SHPRH: variants seen among roughly 807,000 people sequenced by gnomAD.
The protein encoded by SHPRH is E3 ubiquitin-protein ligase SHPRH.
In SHPRH, 106 loss-of-function variants were observed where a neutral mutation model predicts 202.5. That is an observed-to-expected ratio of 0.52 (90% CI 0.45 to 0.62). The LOEUF (loss-of-function observed/expected upper bound fraction) is 0.62, where lower values mean the gene tolerates loss of function less well. SHPRH is among the 20% of genes least tolerant of loss of function. The pLI, the probability that SHPRH is intolerant of heterozygous loss-of-function variation, is 0.00. For missense variants in SHPRH, 1,710 were observed against 2,020.0 expected (o/e 0.85, Z 2.94); for synonymous variants, 729 against 686.0 (o/e 1.06, Z -0.98).
intron 11 of SHPRH, among the ~76,000 whole-genome samples, chr6:145,939,082 C>A (rs930904847): frequency 6.6e-6 from 1 of 151,764 alleles, no homozygotes; most frequent in Admixed American, 6.6e-5. Context: ...TAGTTTAGCA[C>A]AAAAAGAAAA....
rs1362125546 is a variant in SHPRH, at chr6:145,864,869, A to AT, written c.222-379dup. Among the ~76,000 whole-genome samples the AT allele has an allele frequency of 4.0e-5, 6 of 151,546 alleles. No individual in the cohort carries two copies. In the East Asian group the frequency reaches 1.2e-3, roughly 29 times the overall value. Reference sequence around the variant, plus strand: ...GAGCAAATGTATTAATGCCACTATCATTTTTTGCTAATGTTCTTCTTTCTT... The same window carrying AT: ...GAGCAAATGTATTAATGCCACTATCATTTTTTTGCTAATGTTCTTCTTTCTT... On this transcript the variant is annotated intron_variant, in intron 2 of 2. Coordinates refer to the SHPRH transcript ENST00000417762.
At chr6:145,880,385 T>C (rs1242805427), downstream of SHPRH, among the ~76,000 whole-genome samples, 3 of 152,044 alleles carry the variant, frequency 2.0e-5, no homozygotes, top group Non-Finnish European at 4.4e-5. Context: ...TCTTAGCACT[T>C]TGGGAGGCTG....
chr6:145,957,420 G>A lies in SHPRH; in HGVS notation c.-32-2066C>T, dbSNP rs1788617675. ...AAGATACTGTCATCAAAATATGACA[G>A]CAAGTCACAGATGGGAGAAAATATT... On this transcript the variant is annotated intron_variant, in intron 1 of 29. Transcript: ENST00000275233. Among the ~76,000 whole-genome samples the A allele has an allele frequency of 2.0e-5, 3 of 152,214 alleles. No individual in the cohort carries two copies. The South Asian group carries it at 6.2e-4, about 32-fold the overall frequency.
In SHPRH at chr6:145,921,234, T is replaced by C. The variant is rs1784406273; in HGVS notation, c.3941A>G (p.Asp1314Gly). 2 of 1,612,844 alleles carry C rather than the reference T, an allele frequency of 1.2e-6. No homozygotes were observed. The highest frequency in any genetic ancestry group is 1.3e-5 in the African/African-American group (1 of 74,970). ...ILSFAKSHRF[D>G]VEFVDEGSTS... ...GCTTCCTTCATCAACAAATTCAACA[T>C]CAAACCTATGTGATTTTGCAAATGA... Residue 1314 changes from aspartate to glycine, a missense_variant, in exon 21 of 30, where the codon GAT becomes GGT. Coordinates refer to ENST00000275233, the MANE Select transcript of SHPRH (RefSeq NM_001042683.3).
rs994079440 is a variant in SHPRH, at chr6:145,897,387, C to T, written c.4516-2410G>A. On this transcript the variant is annotated intron_variant, in intron 25 of 29. Transcript: ENST00000275233. The stretch of plus-strand genomic sequence containing the variant: ...CCAGTATGTAGTAACAAGATTGAGT[C>T]AGTAATAAAAAGTCTCCCCTCAAAG... 4.6e-5 allele frequency among the ~76,000 whole-genome samples: 7 copies of T among 152,090 alleles called. No individual in the cohort carries two copies. In the East Asian group the frequency reaches 1.2e-3, roughly 25 times the overall value.
intron 1 of SHPRH, among the ~76,000 whole-genome samples, chr6:145,962,868 G>A (rs996822310): frequency 6.6e-6 from 1 of 152,172 alleles, no homozygotes; most frequent in East Asian, 1.9e-4. Context: ...CAAGGTGAGA[G>A]TATTTTCTTC....
intron 29 of SHPRH, 91 bp from the exon 30 acceptor site, chr6:145,886,878 T>C: frequency 7.4e-7 from 1 of 1,360,466 alleles, no homozygotes; most frequent in South Asian, 1.7e-5. Context: ...CACATATTTT[T>C]TCTTAAGTTT....
At chr6:145,927,156 G>C (rs985710041) in intron 15 of SHPRH, 33 bp downstream of exon 15, 1 of 1,578,516 alleles carries the variant, frequency 6.3e-7, no homozygotes, top group Non-Finnish European at 8.7e-7. Flanking sequence ...AAAACAAACA[G>C]AATACCTATG....
At chr6:145,948,160 C>CTT in intron 5 of SHPRH, 112 bp downstream of exon 5, 1 of 687,008 alleles carries the variant, frequency 1.5e-6, no homozygotes, top group Non-Finnish European at 2.4e-6. Context: ...AAGACTTCAC[C>CTT]TTTGATTCCT....
Position 145,946,597 on chromosome 6 carries a change from G to T in SHPRH, c.1213-256C>A, listed in dbSNP as rs962334324. Among the ~76,000 whole-genome samples the T allele has an allele frequency of 3.3e-5, 5 of 151,608 alleles. 1 individual carries two copies. The highest frequency in any genetic ancestry group is 4.2e-4 in the South Asian group (2 of 4,804). ...GAACCTCTGAAATTAACTTTTAAAGGTATATTTAAATATAAAATTAACCCA... is the reference window on the plus strand; with the variant it reads ...GAACCTCTGAAATTAACTTTTAAAGTTATATTTAAATATAAAATTAACCCA... On this transcript the variant is annotated intron_variant, in intron 6 of 29. Transcript: ENST00000275233.
chr6:145,890,302 A>C (rs1266018691), intron 28 of SHPRH, among the ~76,000 whole-genome samples: 1 of 152,184 alleles, frequency 6.6e-6, no homozygotes, highest in African/African-American at 2.4e-5. Context: ...AATATTTGTT[A>C]AATAAGAAAT....
At chr6:145,884,468 A>G (rs1133832), downstream of SHPRH, 68,554 of 152,034 alleles carry the variant, frequency 0.45, 15,941 homozygotes, top group African/African-American at 0.54. Flanking sequence ...AATGACTGGG[A>G]CTACTCTAAC....
intron 25 of SHPRH, chr6:145,909,084 T>C (rs1381230325): frequency 6.6e-6 from 1 of 152,130 alleles, no homozygotes; most frequent in Non-Finnish European, 1.5e-5. Flanking sequence ...GAGGTCTCTG[T>C]TCTGCTCCAT....
intron 24 of SHPRH, among the ~76,000 whole-genome samples, chr6:145,911,729 C>A (rs978861542): frequency 6.6e-6 from 1 of 152,006 alleles, no homozygotes; most frequent in African/African-American, 2.4e-5. Context: ...ACCTGGCCCA[C>A]TTGAGATTCT....
chr6:145,890,206 G>A (rs188827694), intron 28 of SHPRH, among the ~76,000 whole-genome samples: 8 of 152,288 alleles, frequency 5.3e-5, no homozygotes, highest in Admixed American at 5.2e-4. Flanking sequence ...GTACTGTGAA[G>A]GCAGAATGGC....
At chr6:145,862,449 AAAC>A (rs71028374), downstream of SHPRH, among the ~76,000 whole-genome samples, 761 of 151,446 alleles carry the variant, frequency 5.0e-3, 18 homozygotes, top group East Asian at 0.071. Context: ...AAAAAAACAA[AAAC>A]AACAACAACA....
chr6:145,947,416 CA>C, intron 6 of SHPRH, 76 bp downstream of exon 6: 1 of 1,490,448 alleles, frequency 6.7e-7, no homozygotes, highest in East Asian at 2.3e-5. Context: ...ACTTAAGTGC[CA>C]AGCAAATGTT....
downstream of SHPRH, among the ~76,000 whole-genome samples, chr6:145,879,963 C>T (rs1780486713): frequency 6.7e-6 from 1 of 149,214 alleles, no homozygotes; most frequent in Non-Finnish European, 1.5e-5. Context: ...TGGTGACTAG[C>T]TTCCCCCCAC....
chr6:145,941,646 T>A lies in SHPRH; in HGVS notation c.2467A>T (p.Met823Leu). Residue 823 changes from methionine (M) to leucine (L), a missense_variant, in exon 10 of 30, where the codon ATG becomes TTG. By Grantham distance (15) the Met-to-Leu change is conservative. Coordinates refer to ENST00000275233, the MANE Select transcript of SHPRH (RefSeq NM_001042683.3). ...ACTTTTACTGTGGGACACTCAACCA[T>A]CTGAGCTTCATCAAGGCAGATCCTC... ...WWRICLDEAQMVECPTVKAAE... is the reference protein window; with the variant it reads ...WWRICLDEAQLVECPTVKAAE... 6.2e-7 allele frequency: 1 copy of A among 1,613,934 alleles called. No homozygotes were observed. The highest frequency in any genetic ancestry group is 8.5e-7 in the Non-Finnish European group (1 of 1,179,888).
Sources: allele counts gnomAD v4.1 joint callset (sites outside exome capture counted in the v4.1 genomes callset), GRCh38; gene constraint gnomAD v4.1.1; transcripts MANE v1.5; gene names NCBI Gene and HGNC (gene_info 2026-07-23, HGNC 2026-07-21).